Variants in VWA8 observed in about 807,000 individuals in gnomAD.
VWA8 encodes von Willebrand factor A domain-containing protein 8.
A neutral mutation model predicts 241.5 loss-of-function variants in VWA8; 221 were observed. That is an observed-to-expected ratio of 0.91 (90% confidence interval 0.82 to 1.02). VWA8 has a LOEUF of 1.02. VWA8 is among the 50% of genes least tolerant of loss of function. VWA8 has a pLI of 0.00. For synonymous variants in VWA8, 852 were observed against 827.1 expected (o/e 1.03, Z -0.52); for missense variants, 2,322 against 2,328.7 (o/e 1.00, Z 0.06).
chr13:41,669,864 T>C (rs1361298911), intron 37 of VWA8, among the ~76,000 whole-genome samples: 2 of 152,194 alleles, frequency 1.3e-5, no homozygotes, highest in East Asian at 1.9e-4. Flanking sequence ...CTGTAATCAG[T>C]CCATGGCACT....
intron 12 of VWA8, among the ~76,000 whole-genome samples, chr13:41,859,715 GA>G (rs1872922128): frequency 6.6e-6 from 1 of 152,160 alleles, no homozygotes; most frequent in Admixed American, 6.5e-5. Flanking sequence ...AATGATTTAT[GA>G]CTTTTATAGC....
intron 35 of VWA8, among the ~76,000 whole-genome samples, chr13:41,680,852 A>G (rs897525743): frequency 1.3e-5 from 2 of 152,234 alleles, no homozygotes; most frequent in Non-Finnish European, 2.9e-5. Context: ...ATTTGCACTG[A>G]CAAATAACAG....
At chr13:41,677,326 A>G (rs564852331) in intron 35 of VWA8, among the ~76,000 whole-genome samples, 12 of 152,184 alleles carry the variant, frequency 7.9e-5, no homozygotes, top group Non-Finnish European at 1.6e-4. Flanking sequence ...TTTCTATTCC[A>G]CAGCCCTGAG....
intron 1 of VWA8, among the ~76,000 whole-genome samples, chr13:41,956,817 T>G (rs1878369785): frequency 6.6e-6 from 1 of 152,218 alleles, no homozygotes; most frequent in South Asian, 2.1e-4. Context: ...GACAAACATA[T>G]AAACTTAATA....
intron 9 of VWA8, among the ~76,000 whole-genome samples, chr13:41,871,858 C>T (rs1399676427): frequency 1.3e-5 from 2 of 152,222 alleles, no homozygotes; most frequent in African/African-American, 2.4e-5. Flanking sequence ...ATTTCTAGCT[C>T]TAGATCCCTG....
At chr13:41,777,102 C>A (rs76693407) in intron 20 of VWA8, among the ~76,000 whole-genome samples, 1 of 152,072 alleles carries the variant, frequency 6.6e-6, no homozygotes, top group African/African-American at 2.4e-5. Flanking sequence ...AATTTTCATA[C>A]GTTCCTCCAT....
intron 12 of VWA8, among the ~76,000 whole-genome samples, chr13:41,835,572 C>T (rs1871686206): frequency 6.6e-6 from 1 of 152,030 alleles, no homozygotes; most frequent in Non-Finnish European, 1.5e-5. Context: ...TTCCTGGGCC[C>T]AAGCAAAAGA....
intron 39 of VWA8, 121 bp downstream of exon 39, chr13:41,611,455 G>C: frequency 4.5e-6 from 6 of 1,330,566 alleles, no homozygotes; most frequent in Non-Finnish European, 6.1e-6. Flanking sequence ...ATTTCAGTTT[G>C]AGGTCCGAGT....
chr13:41,832,912 T>C (rs770706068), intron 13 of VWA8, among the ~76,000 whole-genome samples: 3 of 151,950 alleles, frequency 2.0e-5, no homozygotes, highest in African/African-American at 2.4e-5. Flanking sequence ...AAAGCTATTA[T>C]ATATTTTACA....
chr13:41,960,781 G>C, intron 1 of VWA8, 72 bp downstream of exon 1: 3 of 1,456,316 alleles, frequency 2.1e-6, no homozygotes, highest in East Asian at 2.8e-5. Flanking sequence ...CAGAGAGGAG[G>C]GGCGGGGGCG....
chr13:41,766,570 C>G (rs1225417667), intron 20 of VWA8, among the ~76,000 whole-genome samples: 1 of 152,188 alleles, frequency 6.6e-6, no homozygotes, highest in Non-Finnish European at 1.5e-5. Flanking sequence ...CTTTCCATAT[C>G]CATATCTTTG....
intron 26 of VWA8, among the ~76,000 whole-genome samples, chr13:41,705,294 G>A (rs540094392): frequency 6.6e-6 from 1 of 151,724 alleles, no homozygotes; most frequent in African/African-American, 2.4e-5. Flanking sequence ...GTGTGTGCAG[G>A]GGGTCGGGGG....
chr13:41,844,283 A>T (rs904122937), intron 12 of VWA8, among the ~76,000 whole-genome samples: 22 of 152,192 alleles, frequency 1.4e-4, no homozygotes, highest in African/African-American at 5.3e-4. Flanking sequence ...ATAAAATCCA[A>T]CATCCATTTA....
chr13:41,596,703 A>G (rs534861956), intron 40 of VWA8, among the ~76,000 whole-genome samples: 1 of 152,018 alleles, frequency 6.6e-6, no homozygotes, highest in South Asian at 2.1e-4. Flanking sequence ...TTTCACACAA[A>G]GAATACTTAG....
At chr13:41,595,824 G>C (rs66700955) in intron 40 of VWA8, among the ~76,000 whole-genome samples, 46,623 of 152,036 alleles carry the variant, frequency 0.31, 7,937 homozygotes, top group Non-Finnish European at 0.39. Context: ...TTTTGGAGCA[G>C]GTATGTGCAT....
At chr13:41,758,512 T>TATATGCCA in intron 21 of VWA8, among the ~76,000 whole-genome samples, 1 of 145,954 alleles carries the variant, frequency 6.9e-6, no homozygotes, top group African/African-American at 2.5e-5. Flanking sequence ...ATGGAATATA[T>TATATGCCA]GGAATATATA....
At chr13:41,637,862 T>G (rs891092475) in intron 37 of VWA8, among the ~76,000 whole-genome samples, 2 of 152,204 alleles carry the variant, frequency 1.3e-5, no homozygotes, top group Non-Finnish European at 2.9e-5. Flanking sequence ...TAAAAATAAT[T>G]TAACTGCAAC....
intron 4 of VWA8, among the ~76,000 whole-genome samples, chr13:41,900,748 A>C (rs1875387493): frequency 6.6e-6 from 1 of 152,244 alleles, no homozygotes; most frequent in Non-Finnish European, 1.5e-5. Context: ...TAATGTAGTC[A>C]TTATTTAATA....
chr13:41,648,746 A>G lies in VWA8; in HGVS notation c.4611+22200T>C, dbSNP rs531270698. 3.3e-5 allele frequency among the ~76,000 whole-genome samples: 5 copies of G among 151,820 alleles called. No homozygotes were observed. The South Asian group carries it at 1.1e-3, about 32-fold the overall frequency. On this transcript the variant is annotated intron_variant, in intron 37 of 44. Transcript: ENST00000379310. ...ACCTTCATAATAGCAACAATAACACATAGAAGCACGGTACTGCTAAAGGCA... is the reference window on the plus strand; with the variant it reads ...ACCTTCATAATAGCAACAATAACACGTAGAAGCACGGTACTGCTAAAGGCA...
Sources: gnomAD v4.1 joint callset for allele counts (sites outside exome capture counted in the v4.1 genomes callset) on GRCh38, gnomAD v4.1.1 for gene constraint, MANE v1.5 for transcripts, NCBI Gene and HGNC (gene_info 2026-07-23, HGNC 2026-07-21) for gene names.